GARIN6: variants seen among roughly 807,000 people sequenced by gnomAD.
GARIN6 encodes golgi associated RAB2 interactor family member 6, also known as Golgi-associated RAB2 interactor protein 6.
the GARIN6 span, chr12:99,648,601 G>A: frequency 1.8e-5 from 29 of 1,614,086 alleles, no homozygotes; most frequent in Non-Finnish European, 2.5e-5. Flanking sequence ...CCTGAAGCTT[G>A]CCACGGGCCG....
chr12:99,647,990 T>C, the GARIN6 span: 1 of 738,830 alleles, frequency 1.4e-6, no homozygotes, highest in Non-Finnish European at 2.1e-6. Flanking sequence ...GTCTCTGGCA[T>C]TGAGCGGTTG....
the GARIN6 span, chr12:99,649,206 A>AT: frequency 2.8e-5 from 30 of 1,080,762 alleles, no homozygotes; most frequent in Non-Finnish European, 4.0e-5. Context: ...TTGTGCAATA[A>AT]TTTCTTTTTG....
chr12:99,648,071 G>A, the GARIN6 span: 42 of 1,483,338 alleles, frequency 2.8e-5, no homozygotes, highest in African/African-American at 5.5e-4. Flanking sequence ...GAACACGACT[G>A]CTGGCCCACC....
the GARIN6 span, chr12:99,648,744 C>A: frequency 1.9e-6 from 3 of 1,613,726 alleles, no homozygotes; most frequent in South Asian, 3.3e-5. Flanking sequence ...TAGCTGGGAA[C>A]ACATTGGACT....
At chr12:99,648,712 TAC>T in the GARIN6 span, 1 of 1,614,088 alleles carries the variant, frequency 6.2e-7, no homozygotes, top group Non-Finnish European at 8.5e-7. Flanking sequence ...AGTGGAGGCT[TAC>T]AGTGATACCA....
At chr12:99,649,211 T>G in the GARIN6 span, 58 of 1,124,928 alleles carry the variant, frequency 5.2e-5, no homozygotes, top group East Asian at 1.3e-3. Context: ...CAATAATTTC[T>G]TTTTGTTGTT....
the GARIN6 span, chr12:99,648,315 G>C: frequency 6.2e-7 from 1 of 1,614,160 alleles, no homozygotes; most frequent in South Asian, 1.1e-5. Context: ...CCATGTTTGA[G>C]AGCGACTTTA....
the GARIN6 span, chr12:99,648,875 C>T: frequency 1.4e-6 from 2 of 1,471,232 alleles, no homozygotes; most frequent in Non-Finnish European, 9.0e-7. Context: ...TGCTGCAGCT[C>T]ACCTGGGAAA....
the GARIN6 span, chr12:99,648,094 C>T: frequency 7.8e-6 from 12 of 1,529,908 alleles, no homozygotes; most frequent in Admixed American, 2.5e-4. Context: ...CCAGAGTAGC[C>T]AAGGAAACAG....
At chr12:99,649,431 A>C in the GARIN6 span, 1 of 1,545,464 alleles carries the variant, frequency 6.5e-7, no homozygotes, top group Non-Finnish European at 8.9e-7. Context: ...ACTACGTTCA[A>C]GAGTTCACAC....
chr12:99,648,972 G>C, the GARIN6 span, among the ~76,000 whole-genome samples: 1 of 152,080 alleles, frequency 6.6e-6, no homozygotes, highest in Non-Finnish European at 1.5e-5. Context: ...GCTTCTCCAG[G>C]GTTCTCCAAG....
chr12:99,648,267 A>C, the GARIN6 span: 5 of 1,614,210 alleles, frequency 3.1e-6, no homozygotes, highest in Non-Finnish European at 4.2e-6. Context: ...TGCAGCGGCA[A>C]CTGTACAAAG....
the GARIN6 span, chr12:99,649,504 A>T: frequency 1.2e-6 from 1 of 848,018 alleles, no homozygotes; most frequent in Non-Finnish European, 1.9e-6. Context: ...AGCAGTAGTG[A>T]TGACAGTAAG....
the GARIN6 span, chr12:99,648,424 G>T: frequency 6.2e-7 from 1 of 1,614,134 alleles, no homozygotes; most frequent in Non-Finnish European, 8.5e-7. Flanking sequence ...CACACTACCT[G>T]ATGTCATGCT....
chr12:99,648,055 C>A, the GARIN6 span: 2 of 1,387,066 alleles, frequency 1.4e-6, no homozygotes, highest in South Asian at 1.5e-5. Context: ...AAAAAGAAAG[C>A]CTGCAGAACA....
the GARIN6 span, chr12:99,649,867 A>G: frequency 0.3 from 46,607 of 156,326 alleles, 7,501 homozygotes; most frequent in African/African-American, 0.35. Flanking sequence ...AGTTATCTCA[A>G]CTCTGCAGGA....
the GARIN6 span, chr12:99,649,230 G>T: frequency 7.7e-7 from 1 of 1,294,074 alleles, no homozygotes. Context: ...TTTACCTATA[G>T]GAAGAGAAAG....
the GARIN6 span, chr12:99,649,408 A>G: frequency 6.3e-7 from 1 of 1,596,368 alleles, no homozygotes; most frequent in Admixed American, 1.7e-5. Context: ...AATCCAACAT[A>G]CCTCCCACAT....
chr12:99,648,188 G>C, the GARIN6 span: 1 of 1,613,542 alleles, frequency 6.2e-7, no homozygotes, highest in East Asian at 2.2e-5. Flanking sequence ...GAGGACTGCT[G>C]TATGCTACCG....
Sources: gnomAD v4.1 joint callset for allele counts (sites outside exome capture counted in the v4.1 genomes callset) on GRCh38, gnomAD v4.1.1 for gene constraint, MANE v1.5 for transcripts, NCBI Gene and HGNC (gene_info 2026-07-23, HGNC 2026-07-21) for gene names.